SYT7: variants seen among roughly 807,000 people sequenced by gnomAD.
SYT7 encodes the protein synaptotagmin-7.
In SYT7, 29 loss-of-function variants were observed where a neutral mutation model predicts 75.1. The observed-to-expected ratio is 0.39, with a 90% CI of 0.29 to 0.53. The LOEUF (loss-of-function observed/expected upper bound fraction) is 0.53. Among genes scored for constraint, SYT7 ranks in the 20% least tolerant of loss-of-function variants. The pLI, the probability that SYT7 is intolerant of heterozygous loss-of-function variation, is 0.77. For missense variants in SYT7, 693 were observed against 953.2 expected, an observed-to-expected ratio of 0.73 and a Z score of 3.59; for synonymous variants, 376 against 401.7, an observed-to-expected ratio of 0.94 and a Z score of 0.76.
At chr11:61,581,856 C>G (rs890890938), upstream of SYT7, among the ~76,000 whole-genome samples, 1 of 152,234 alleles carries the variant, frequency 6.6e-6, no homozygotes, top group Non-Finnish European at 1.5e-5. Context: ...ATCCCTCCTT[C>G]TCCTTCCAAC....
At chr11:61,579,316 G>A (rs1308827837) in intron 1 of SYT7, among the ~76,000 whole-genome samples, 1 of 152,248 alleles carries the variant, frequency 6.6e-6, no homozygotes, top group Non-Finnish European at 1.5e-5. Context: ...CCTCTTCGAC[G>A]AAGATGCCAG....
In SYT7 at chr11:61,518,575, G is replaced by C; in HGVS notation, c.*52C>G. The C allele has an allele frequency of 7.5e-7, 1 of 1,339,988 alleles. No individual in the cohort carries two copies. The highest frequency in any genetic ancestry group is 1.0e-6 in the Non-Finnish European group (1 of 978,172). The allele number at this position is 1,339,988 out of a possible 1,614,324, so 83.0% of individuals were successfully genotyped here. A position where few individuals can be genotyped will look rare whatever the true frequency, so the allele number is the denominator to read the frequency against. On this transcript the variant is annotated 3_prime_UTR_variant, in exon 13 of 13. Transcript: ENST00000539008. ...CCGGGCGTTGTGCATAAAGTGGTGA[G>C]GGCATGATGGGGACCTGGGCCCTCG...
chr11:61,568,410 A>T (rs2063832781), intron 1 of SYT7, among the ~76,000 whole-genome samples: 1 of 152,238 alleles, frequency 6.6e-6, no homozygotes, highest in South Asian at 2.1e-4. Context: ...GCTGGTATGT[A>T]TCATTTATTG....
chr11:61,516,785 C>T lies in SYT7; in HGVS notation c.*1842G>A, dbSNP rs1228163219. ...TGACTATTTGCTTTACATTAGCATT[C>T]TTCACTCTACAAAACGATTCACCTA... On this transcript the variant is annotated 3_prime_UTR_variant, in exon 13 of 13. Coordinates refer to ENST00000539008, the MANE Select transcript of SYT7 (RefSeq NM_001365809.2). The surrounding 1 kb of genome is among the most constrained non-coding windows in gnomAD (Gnocchi z 4.6). 1.3e-5 allele frequency: 2 copies of T among 154,518 alleles called. No homozygotes were observed. Among genetic ancestry groups the T allele is most frequent in the African/African-American group, 4.8e-5 (2 of 41,560 alleles). The allele number at this position is 154,518 out of a possible 1,614,324, so 9.6% of individuals were successfully genotyped here. A position where few individuals can be genotyped will look rare whatever the true frequency, so the allele number is the denominator to read the frequency against.
Position 61,542,615 on chromosome 11 carries a change from G to A in SYT7, c.573-36C>T. The A allele has an allele frequency of 2.1e-6, 3 of 1,460,078 alleles. No individual in the cohort carries two copies. Among genetic ancestry groups the A allele is most frequent in the Non-Finnish European group, 1.8e-6 (2 of 1,109,196 alleles). The allele number at this position is 1,460,078 out of a possible 1,614,324, so 90.4% of individuals were successfully genotyped here. A position where few individuals can be genotyped will look rare whatever the true frequency, so the allele number is the denominator to read the frequency against. On this transcript the variant is annotated intron_variant, in intron 5 of 12. Coordinates refer to ENST00000539008, the MANE Select transcript of SYT7 (RefSeq NM_001365809.2). The surrounding 1 kb of genome is among the most constrained non-coding windows in gnomAD (Gnocchi z 7.8). ...GTGGAGGAGAGGAGAGAAAGGAGAA[G>A]CAGATGAAGGGATCACAGTGGAAGA... is the stretch of plus-strand genomic sequence containing the variant.
In SYT7 at chr11:61,576,728, G is replaced by A. The variant is rs1383350167; in HGVS notation, c.31+4062C>T. On this transcript the variant is annotated intron_variant, in intron 1 of 12. Transcript: ENST00000539008. This position sits in a 1 kb window ranked among gnomAD's most constrained non-coding sequence, Gnocchi z 4.1. ...GGGGGTGGGTGGGGAGTAGGATGGGGGGACTCAGGAGGGGCAGGAGGGGGA... is the reference window on the plus strand; with the variant it reads ...GGGGGTGGGTGGGGAGTAGGATGGGAGGACTCAGGAGGGGCAGGAGGGGGA... Among the ~76,000 whole-genome samples, 1 of 151,788 alleles carries A rather than the reference G, an allele frequency of 6.6e-6. No homozygotes were observed. The highest frequency in any genetic ancestry group is 2.4e-5 in the African/African-American group (1 of 41,300).
chr11:61,566,549 C>A (rs1053593733), intron 1 of SYT7, among the ~76,000 whole-genome samples: 2 of 152,212 alleles, frequency 1.3e-5, no homozygotes, highest in South Asian at 2.1e-4. Context: ...TCCCCACCCA[C>A]CTTGATCCCA....
intron 1 of SYT7, among the ~76,000 whole-genome samples, chr11:61,578,970 T>C (rs1590967883): frequency 6.6e-6 from 1 of 152,128 alleles, no homozygotes; most frequent in African/African-American, 2.4e-5. Flanking sequence ...GGTACTGGAC[T>C]CCAGACCCTT....
intron 5 of SYT7, among the ~76,000 whole-genome samples, chr11:61,545,031 T>C (rs1273813713): frequency 6.6e-6 from 1 of 152,254 alleles, no homozygotes; most frequent in East Asian, 1.9e-4. Context: ...CTCCATTAGC[T>C]GGGAGTTCCA....
At position 61,523,827 on chromosome 11, in the gene SYT7, C is replaced by A. The variant is rs567302490; in HGVS notation, c.1756G>T (p.Asp586Tyr). The change falls in exon 11 of 13, where the codon GAC (aspartate) becomes TAC (tyrosine). Residue 586 changes from aspartate (D) to tyrosine (Y), a missense_variant and splice_region_variant. Asp to Tyr is a radical substitution (Grantham distance 160, BLOSUM62 -3). This residue lies in a region of SYT7 where 206 missense variants were observed against 360.0 expected (regional missense o/e 0.57). Coordinates refer to ENST00000539008, the MANE Select transcript of SYT7 (RefSeq NM_001365809.2). The surrounding 1 kb of genome is among the most constrained non-coding windows in gnomAD (Gnocchi z 5.0). ...LKAMDIGGTSDPYVKVWLMYK... is the reference protein window; with the variant it reads ...LKAMDIGGTSYPYVKVWLMYK... ...ATCCTCTGCTGGAGAAGCCCCGTAC[C>A]TGATGTGCCCCCGATGTCCATGGCT... The A allele has an allele frequency of 6.2e-7, 1 of 1,613,848 alleles. No homozygotes were observed. The highest frequency in any genetic ancestry group is 1.3e-5 in the African/African-American group (1 of 74,982).
At chr11:61,533,764 T>C in intron 7 of SYT7, 2 of 690,378 alleles carry the variant, frequency 2.9e-6, no homozygotes, top group East Asian at 2.7e-4. Flanking sequence ...GCATTTGCAA[T>C]GTGGCCAGTG....
chr11:61,580,937 G>T lies in SYT7; in HGVS notation c.-117C>A, dbSNP rs1239100135. Reference sequence around the variant, plus strand: ...ACCCCCGGGGGCGGGTCCGAGGGCGGGGGCCGAGCGGGCTGCACCTAGCCG... The same window carrying T: ...ACCCCCGGGGGCGGGTCCGAGGGCGTGGGCCGAGCGGGCTGCACCTAGCCG... On this transcript the variant is annotated 5_prime_UTR_variant, in exon 1 of 13. Coordinates refer to ENST00000539008, the MANE Select transcript of SYT7 (RefSeq NM_001365809.2). The surrounding 1 kb of genome is among the most constrained non-coding windows in gnomAD (Gnocchi z 6.1). The T allele has an allele frequency of 9.9e-7, 1 of 1,011,348 alleles. No homozygotes were observed. Among genetic ancestry groups the T allele is most frequent in the Admixed American group, 6.0e-5 (1 of 16,772 alleles). The allele number at this position is 1,011,348 out of a possible 1,614,324, so 62.6% of individuals were successfully genotyped here. A position where few individuals can be genotyped will look rare whatever the true frequency, so the allele number is the denominator to read the frequency against.
chr11:61,528,800 C>T (rs2062611267), intron 8 of SYT7, among the ~76,000 whole-genome samples: 1 of 152,128 alleles, frequency 6.6e-6, no homozygotes, highest in East Asian at 1.9e-4. Flanking sequence ...CCCCAGGCCC[C>T]GTCCCCAAGC....
rs909960346 is a variant in SYT7 at position 61,542,715 on chromosome 11, G to A, written c.573-136C>T. On this transcript the variant is annotated intron_variant, in intron 5 of 12. Coordinates refer to ENST00000539008, the MANE Select transcript of SYT7 (RefSeq NM_001365809.2). This position sits in a 1 kb window ranked among gnomAD's most constrained non-coding sequence, Gnocchi z 7.8. Reference sequence around the variant, plus strand: ...TGCCGGACCTCGCCAGGCCTCCATCGGAGCTGTCGCCACCGCCGTCGCCGC... The same window carrying A: ...TGCCGGACCTCGCCAGGCCTCCATCAGAGCTGTCGCCACCGCCGTCGCCGC... 4.8e-5 allele frequency: 65 copies of A among 1,362,562 alleles called. No homozygotes were observed. Among genetic ancestry groups the A allele is most frequent in the Middle Eastern group, 2.7e-4 (1 of 3,722 alleles). 84.4% of individuals were successfully genotyped at this position (1,362,562 alleles called of 1,614,324 possible). A position where few individuals can be genotyped will look rare whatever the true frequency, so the allele number is the denominator to read the frequency against.
intron 7 of SYT7, among the ~76,000 whole-genome samples, chr11:61,533,942 C>T (rs763016606): frequency 2.6e-5 from 4 of 152,130 alleles, no homozygotes; most frequent in Non-Finnish European, 4.4e-5. Context: ...CACAGAAAGA[C>T]GGGCACCACC....
In SYT7 at chr11:61,523,261, C is replaced by T; in HGVS notation, c.1770G>A (p.Lys590=). 1 of 1,614,142 alleles carries T rather than the reference C, an allele frequency of 6.2e-7. No homozygotes were observed. The highest frequency in any genetic ancestry group is 1.1e-5 in the South Asian group (1 of 91,082). ...DIGGTSDPYV[K]VWLMYKDKRV... ...GCTTGTCCTTGTACATCAGCCATAC[C>T]TTCACGTAGGGGTCTAGGGGAGGGA... Residue 590 remains lysine (K), a synonymous_variant, in exon 12 of 13, where the codon AAG becomes AAA. Transcript: ENST00000539008. This position sits in a 1 kb window ranked among gnomAD's most constrained non-coding sequence, Gnocchi z 5.0.
chr11:61,548,182 AGG>A (rs1366098349), intron 3 of SYT7, among the ~76,000 whole-genome samples: 3 of 152,204 alleles, frequency 2.0e-5, no homozygotes, highest in African/African-American at 7.2e-5. Flanking sequence ...TAAGGTAACC[AGG>A]GGGCCCCTCG....
At chr11:61,531,140 T>C in intron 8 of SYT7, 1 of 985,156 alleles carries the variant, frequency 1.0e-6, no homozygotes, top group Non-Finnish European at 1.2e-6. Flanking sequence ...GATTCTGCCC[T>C]GCTTATCTTA....
chr11:61,548,056 G>A (rs2063243035), intron 3 of SYT7, among the ~76,000 whole-genome samples: 1 of 152,200 alleles, frequency 6.6e-6, no homozygotes, highest in Admixed American at 6.5e-5. Context: ...CCTAAGACTG[G>A]GGGATCTCAG....
Sources: gnomAD v4.1 joint callset for allele counts (sites outside exome capture counted in the v4.1 genomes callset) on GRCh38, gnomAD v4.1.1 for gene constraint, gnomAD v4.1.1 regional missense constraint, Gnocchi (gnomAD v3.1) non-coding constraint, MANE v1.5 for transcripts, NCBI Gene and HGNC (gene_info 2026-07-23, HGNC 2026-07-21) for gene names.